The following WWP2 variants were observed in gnomAD, a reference collection of about 807,000 sequenced individuals.
WWP2 encodes NEDD4-like E3 ubiquitin-protein ligase WWP2.
Under a neutral mutation model 121.0 loss-of-function variants are expected in WWP2, and 57 were observed. The observed-to-expected ratio is 0.47, with a 90% CI of 0.38 to 0.59. The LOEUF (loss-of-function observed/expected upper bound fraction) is 0.59, where lower values mean the gene tolerates loss of function less well. WWP2 is among the 20% of genes least tolerant of loss of function. The probability of loss-of-function intolerance (pLI) is 0.00; values close to 1 mark genes in which losing one functional copy is unlikely to be tolerated. For synonymous variants in WWP2, 449 were observed against 441.3 expected (o/e 1.02, Z -0.22); for missense variants, 962 against 1,158.9 (o/e 0.83, Z 2.47).
At chr16:69,860,163 A>G (rs548563823) in intron 6 of WWP2, among the ~76,000 whole-genome samples, 90 of 152,104 alleles carry the variant, frequency 5.9e-4, no homozygotes, top group Admixed American at 2.9e-3. Flanking sequence ...AAAAAAATCA[A>G]AAAAATTAGC....
chr16:69,777,141 A>G (rs1358153918), intron 1 of WWP2, among the ~76,000 whole-genome samples: 4 of 151,630 alleles, frequency 2.6e-5, no homozygotes, highest in Non-Finnish European at 5.9e-5. Context: ...ATATATATAC[A>G]CATATGTGTA....
At chr16:69,871,597 T>A (rs2057637202) in intron 6 of WWP2, 1 of 576,098 alleles carries the variant, frequency 1.7e-6, no homozygotes, top group Non-Finnish European at 2.9e-6. Flanking sequence ...TTACACAAAG[T>A]TACCTTCTGA....
chr16:69,810,198 G>T (rs2056362290), intron 4 of WWP2, among the ~76,000 whole-genome samples: 1 of 152,202 alleles, frequency 6.6e-6, no homozygotes, highest in Non-Finnish European at 1.5e-5. Flanking sequence ...AAACTCAGCT[G>T]GCTGTTTTCT....
intron 4 of WWP2, among the ~76,000 whole-genome samples, chr16:69,819,287 T>A (rs1357729356): frequency 1.3e-5 from 2 of 152,216 alleles, no homozygotes; most frequent in Non-Finnish European, 2.9e-5. Context: ...AGAAGTCAAA[T>A]TGTATTGCTA....
intron 6 of WWP2, among the ~76,000 whole-genome samples, chr16:69,868,607 T>C (rs1248828690): frequency 1.3e-5 from 2 of 151,700 alleles, no homozygotes; most frequent in Non-Finnish European, 2.9e-5. Flanking sequence ...GAAACAAACC[T>C]TCTATTAACC....
chr16:69,871,355 T>A (rs929967905), intron 6 of WWP2, among the ~76,000 whole-genome samples: 1 of 152,226 alleles, frequency 6.6e-6, no homozygotes, highest in African/African-American at 2.4e-5. Flanking sequence ...GCCCCTTGAC[T>A]TTTATTGCCA....
rs35059847 is a variant in WWP2 at position 69,937,640 on chromosome 16, G to C, written c.2331G>C (p.Gln777His). The change falls in exon 21 of 24, where the codon CAG becomes CAC. Residue 777 changes from glutamine to histidine, a missense_variant. Around this residue, in one of 3 missense-constraint regions of WWP2, gnomAD observed 606 missense variants for 772.6 expected, o/e 0.78. Coordinates refer to ENST00000359154, the MANE Select transcript of WWP2 (RefSeq NM_001270454.2). The surrounding 1 kb of genome is among the most constrained non-coding windows in gnomAD (Gnocchi z 6.6). ...RHYTKNSKQI[Q>H]WFWQVVKEMD... is the part of the protein sequence containing the mutation. ...ACACCAAGAACAGCAAGCAGATCCA[G>C]TGGTTCTGGCAGGTGGGTCCCGGGC... 9.2e-5 allele frequency: 149 copies of C among 1,613,924 alleles called. No homozygotes were observed. Among genetic ancestry groups the C allele is most frequent in the Non-Finnish European group, 1.4e-5 (16 of 1,180,032 alleles).
intron 7 of WWP2, among the ~76,000 whole-genome samples, chr16:69,886,009 G>A (rs181828370): frequency 2.0e-5 from 3 of 152,336 alleles, no homozygotes; most frequent in Middle Eastern, 3.4e-3. Flanking sequence ...GGAAAGGGGG[G>A]TTGCCTAGAA....
intron 8 of WWP2, among the ~76,000 whole-genome samples, chr16:69,895,425 C>T (rs142844515): frequency 2.2e-4 from 33 of 152,254 alleles, no homozygotes; most frequent in African/African-American, 2.9e-4. Context: ...TTCAATGAGA[C>T]GAATCTATTG....
Position 69,910,481 on chromosome 16 carries a change from C to T in WWP2, c.1004+1631C>T, listed in dbSNP as rs2151963675. ...TGGAGTGCAGTGGTGCAATCTCCAGCTCACTGCAACCTCCACCTCCTGGGT... is the reference window on the plus strand; with the variant it reads ...TGGAGTGCAGTGGTGCAATCTCCAGTTCACTGCAACCTCCACCTCCTGGGT... On this transcript the variant is annotated intron_variant, in intron 9 of 23. Transcript: ENST00000359154. 3 of 502,370 alleles carry T rather than the reference C, an allele frequency of 6.0e-6. No homozygotes were observed. The South Asian group carries it at 2.6e-4, about 43-fold the overall frequency. The allele number at this position is 502,370 out of a possible 1,614,324, so 31.1% of individuals were successfully genotyped here.
chr16:69,815,530 G>A (rs1182813510), intron 4 of WWP2, among the ~76,000 whole-genome samples: 3 of 151,424 alleles, frequency 2.0e-5, no homozygotes, highest in African/African-American at 4.8e-5. Flanking sequence ...CACGGTGCCT[G>A]TAATCTCAGC....
chr16:69,787,494 G>A (rs1469588283), intron 2 of WWP2, among the ~76,000 whole-genome samples: 1 of 152,194 alleles, frequency 6.6e-6, no homozygotes, highest in African/African-American at 2.4e-5. Context: ...GGACACTGAA[G>A]TGGGAGGATC....
intron 10 of WWP2, among the ~76,000 whole-genome samples, 186 bp downstream of exon 10, chr16:69,918,069 C>G (rs1169372591): frequency 1.3e-5 from 2 of 152,230 alleles, no homozygotes; most frequent in African/African-American, 4.8e-5. Flanking sequence ...CCTCACTCAG[C>G]AGCTCCATAT....
chr16:69,787,102 C>G (rs1470954835), intron 2 of WWP2, 22 bp downstream of exon 2: 1 of 1,597,246 alleles, frequency 6.3e-7, no homozygotes, highest in East Asian at 2.3e-5. Flanking sequence ...TGTATAATGT[C>G]TTCATCTTGT....
chr16:69,872,223 T>G (rs2057654219), intron 7 of WWP2, among the ~76,000 whole-genome samples: 1 of 148,714 alleles, frequency 6.7e-6, no homozygotes, highest in Admixed American at 6.7e-5. Flanking sequence ...AGAAATGTCT[T>G]TTTTTTTTTT....
chr16:69,871,941 G>A lies in WWP2; in HGVS notation c.703+10G>A, dbSNP rs2057647182. ...TTGGCCAATGGCACAGGTGAGTGAT[G>A]GCACCGCACGCCAGCCTGCACTGAA... On this transcript the variant is annotated intron_variant, in intron 7 of 23. Transcript: ENST00000359154. 1 of 1,611,196 alleles carries A rather than the reference G, an allele frequency of 6.2e-7. No homozygotes were observed. The highest frequency in any genetic ancestry group is 8.5e-7 in the Non-Finnish European group (1 of 1,178,646).
rs1420668757 is a variant in WWP2 at position 69,762,566 on chromosome 16, G to A, written c.-16+175G>A. Among the ~76,000 whole-genome samples, 9 of 151,116 alleles carry A rather than the reference G, an allele frequency of 6.0e-5. No individual in the cohort carries two copies. The South Asian group carries it at 1.2e-3, about 21-fold the overall frequency. On this transcript the variant is annotated intron_variant, in intron 1 of 23. Transcript: ENST00000359154. ...TCCGGCCTCCGAGGAGGGGTGTCCC[G>A]GCTCCCGCCCGAGTGGGGTGGGCGC... is the stretch of plus-strand genomic sequence containing the variant.
intron 1 of WWP2, among the ~76,000 whole-genome samples, chr16:69,783,469 G>A (rs1447422652): frequency 6.6e-6 from 1 of 151,800 alleles, no homozygotes; most frequent in African/African-American, 2.4e-5. Context: ...GCAGAAGTTC[G>A]AGGCTGCCGT....
chr16:69,860,823 A>G (rs1012665496), intron 6 of WWP2, among the ~76,000 whole-genome samples: 1 of 146,174 alleles, frequency 6.8e-6, no homozygotes, highest in Non-Finnish European at 1.5e-5. Flanking sequence ...ACAACATAGC[A>G]AGACTCGATC....
Sources: allele counts gnomAD v4.1 joint callset (sites outside exome capture counted in the v4.1 genomes callset), GRCh38; gene constraint gnomAD v4.1.1; regional missense constraint gnomAD v4.1.1; non-coding constraint Gnocchi (gnomAD v3.1); transcripts MANE v1.5; gene names NCBI Gene and HGNC (gene_info 2026-07-23, HGNC 2026-07-21).